Variants in USP13 observed in about 807,000 individuals in gnomAD.
USP13 encodes the protein ubiquitin specific peptidase 13, also known as ubiquitin carboxyl-terminal hydrolase 13.
USP13 carries 68 observed loss-of-function variants against 107.8 expected under a neutral mutation model. The ratio of observed to expected loss-of-function variants is 0.63; its 90% CI spans 0.52 to 0.77. USP13 has a LOEUF of 0.77. Among genes scored for constraint, USP13 ranks in the 30% least tolerant of loss-of-function variants. The probability of loss-of-function intolerance (pLI) is 0.00; values close to 1 mark genes in which losing one functional copy is unlikely to be tolerated. For synonymous variants in USP13, 377 were observed against 389.5 expected (o/e 0.97, Z 0.38); for missense variants, 945 against 1,093.3 (o/e 0.86, Z 1.91).
At chr3:179,758,192 C>T (rs531117059) in intron 16 of USP13, among the ~76,000 whole-genome samples, 1 of 152,058 alleles carries the variant, frequency 6.6e-6, no homozygotes, top group East Asian at 1.9e-4. Context: ...GACCTGGGAC[C>T]AGAACTAGGG....
chr3:179,758,015 C>G (rs772357265), intron 16 of USP13, among the ~76,000 whole-genome samples: 1 of 152,188 alleles, frequency 6.6e-6, no homozygotes, highest in Non-Finnish European at 1.5e-5. Flanking sequence ...ATTCTTTCAA[C>G]GGTCTACAAC....
At chr3:179,778,947 C>T (rs1309194103) in intron 19 of USP13, among the ~76,000 whole-genome samples, 1 of 151,866 alleles carries the variant, frequency 6.6e-6, no homozygotes, top group Non-Finnish European at 1.5e-5. Context: ...CCTGAGATCT[C>T]AATGAAGTGA....
chr3:179,683,875 C>A (rs146585740), intron 2 of USP13, among the ~76,000 whole-genome samples: 2 of 152,176 alleles, frequency 1.3e-5, no homozygotes, highest in African/African-American at 4.8e-5. Flanking sequence ...GAATGGGAAT[C>A]TATTTTTTCA....
chr3:179,775,483 G>A (rs1715495880), intron 19 of USP13, among the ~76,000 whole-genome samples: 1 of 152,386 alleles, frequency 6.6e-6, no homozygotes, highest in African/African-American at 2.4e-5. Flanking sequence ...CAGGGCCGTG[G>A]GTGGAGCTGC....
chr3:179,742,176 C>A lies in USP13; in HGVS notation c.1381-21C>A. The A allele has an allele frequency of 1.2e-6, 2 of 1,614,068 alleles. No individual in the cohort carries two copies. Among genetic ancestry groups the A allele is most frequent in the Non-Finnish European group, 1.7e-6 (2 of 1,179,962 alleles). On this transcript the variant is annotated intron_variant, in intron 11 of 20. Transcript: ENST00000263966. This position sits in a 1 kb window ranked among gnomAD's most constrained non-coding sequence, Gnocchi z 5.0. ...GCTCAATATTCATACATTTACTAAC[C>A]TGATACAATCCATCCTTCAGAGGAA... is the stretch of plus-strand genomic sequence containing the variant.
At position 179,691,475 on chromosome 3, in the gene USP13, G is replaced by A. The variant is rs549521049; in HGVS notation, c.355+1174G>A. 1.0e-3 allele frequency among the ~76,000 whole-genome samples: 157 copies of A among 152,258 alleles called. 2 individuals are homozygous for A. The highest frequency in any genetic ancestry group is 1.3e-3 in the Non-Finnish European group (91 of 68,014). On this transcript the variant is annotated intron_variant, in intron 3 of 20. Transcript: ENST00000263966. ...TTTTCTCATGAAAAATGTGAAGTAT[G>A]TACGTATGCATTTTTGGAAAGAATC...
At position 179,765,759 on chromosome 3, in the gene USP13, A is replaced by AT. The variant is rs1313316601; in HGVS notation, c.2328dup (p.Val777CysfsTer3). ...CACCCTGAGTTTGAAGAAGACAGTG[A>AT]TTTTGTGATTGAGATGGAGAATAAT... On this transcript the variant is annotated frameshift_variant, in exon 19 of 21. Transcript: ENST00000263966. LOFTEE classifies it high-confidence loss of function. 6.2e-7 allele frequency: 1 copy of AT among 1,614,054 alleles called. No homozygotes were observed. Among genetic ancestry groups the AT allele is most frequent in the Non-Finnish European group, 8.5e-7 (1 of 1,180,020 alleles).
chr3:179,678,660 A>T lies in USP13; in HGVS notation c.169-3218A>T, dbSNP rs1244361245. On this transcript the variant is annotated intron_variant, in intron 1 of 20. Coordinates refer to ENST00000263966, the MANE Select transcript of USP13 (RefSeq NM_003940.3). This position sits in a 1 kb window ranked among gnomAD's most constrained non-coding sequence, Gnocchi z 4.2. ...TTTTTTGTAGAGACAGGGTTTCTCC[A>T]TGTTGCCCAGACTGGTCTTGAACTC... Among the ~76,000 whole-genome samples the T allele has an allele frequency of 6.6e-6, 1 of 152,126 alleles. No individual in the cohort carries two copies. The highest frequency in any genetic ancestry group is 1.5e-5 in the Non-Finnish European group (1 of 68,024).
At position 179,701,189 on chromosome 3, in the gene USP13, C is replaced by T. The variant is rs571772695; in HGVS notation, c.477+60C>T. The T allele has an allele frequency of 4.6e-4, 340 of 742,854 alleles. 1 individual carries two copies. The African/African-American group carries it at 6.4e-3, about 14-fold the overall frequency. The allele number at this position is 742,854 out of a possible 1,614,324, so 46.0% of individuals were successfully genotyped here. A position where few individuals can be genotyped will look rare whatever the true frequency, so the allele number is the denominator to read the frequency against. ...CATGGCTCTGTGTCAGGTGTGTGTG[C>T]GTGTGCGATGTGTGTGTGCGGGGGT... On this transcript the variant is annotated intron_variant, in intron 4 of 20. Transcript: ENST00000263966.
At chr3:179,780,226 G>A (rs777992604) in intron 19 of USP13, among the ~76,000 whole-genome samples, 2 of 152,182 alleles carry the variant, frequency 1.3e-5, no homozygotes, top group Non-Finnish European at 2.9e-5. Context: ...GGAGGTTCTA[G>A]CCATTGCAGT....
intron 6 of USP13, among the ~76,000 whole-genome samples, chr3:179,711,256 T>TCACC (rs1712916944): frequency 6.6e-6 from 1 of 152,212 alleles, no homozygotes; most frequent in Non-Finnish European, 1.5e-5. Context: ...TCTCACTCTG[T>TCACC]CACCCAGGCT....
At chr3:179,673,270 TGAGA>T (rs962861346) in intron 1 of USP13, among the ~76,000 whole-genome samples, 2 of 152,006 alleles carry the variant, frequency 1.3e-5, no homozygotes, top group Admixed American at 6.6e-5. Context: ...AGGAATAGTT[TGAGA>T]GAGAGAGACC....
In USP13 at chr3:179,653,330, C is replaced by A; in HGVS notation, c.105C>A (p.Ile35=). The A allele has an allele frequency of 1.9e-6, 3 of 1,579,248 alleles. No homozygotes were observed. Among genetic ancestry groups the A allele is most frequent in the Non-Finnish European group, 1.7e-6 (2 of 1,162,938 alleles). The change falls in exon 1 of 21, where the codon ATC becomes ATA. Residue 35 remains isoleucine (I), a synonymous_variant. Coordinates refer to ENST00000263966, the MANE Select transcript of USP13 (RefSeq NM_003940.3). The surrounding 1 kb of genome is among the most constrained non-coding windows in gnomAD (Gnocchi z 4.0). ...GELLVPHMPT[I]RVPRSGDRVY... ...TGCTAGTGCCCCACATGCCCACGAT[C>A]CGCGTGCCCAGGTCCGGCGACAGGG...
At chr3:179,728,819 A>G (rs1156811723) in intron 8 of USP13, among the ~76,000 whole-genome samples, 1 of 152,136 alleles carries the variant, frequency 6.6e-6, no homozygotes, top group Non-Finnish European at 1.5e-5. Context: ...GTCTCCACCA[A>G]AAAAATACGA....
intron 1 of USP13, among the ~76,000 whole-genome samples, chr3:179,669,143 C>G (rs1720669951): frequency 6.6e-6 from 1 of 152,184 alleles, no homozygotes; most frequent in African/African-American, 2.4e-5. Flanking sequence ...TAATCCACCT[C>G]CTGGGCTAGT....
chr3:179,781,358 A>G (rs1462945121), intron 19 of USP13, among the ~76,000 whole-genome samples: 2 of 151,880 alleles, frequency 1.3e-5, no homozygotes, highest in Admixed American at 6.6e-5. Flanking sequence ...TTTAATCCCC[A>G]CAAAGAAACA....
At chr3:179,707,630 T>C in intron 5 of USP13, among the ~76,000 whole-genome samples, 1 of 152,172 alleles carries the variant, frequency 6.6e-6, no homozygotes, top group East Asian at 1.9e-4. Context: ...CCATTTACCT[T>C]CACTTTTTTG....
intron 1 of USP13, among the ~76,000 whole-genome samples, chr3:179,660,095 G>A (rs559150409): frequency 2.3e-4 from 35 of 152,026 alleles, no homozygotes; most frequent in Non-Finnish European, 4.3e-4. Context: ...CAATTCAGTG[G>A]CATTAAATTA....
intron 1 of USP13, among the ~76,000 whole-genome samples, chr3:179,658,359 T>C (rs917334488): frequency 6.6e-6 from 1 of 152,260 alleles, no homozygotes; most frequent in Non-Finnish European, 1.5e-5. Flanking sequence ...TCTGAATGCC[T>C]GCATTACGTA....
Sources: allele counts gnomAD v4.1 joint callset (sites outside exome capture counted in the v4.1 genomes callset), GRCh38; gene constraint gnomAD v4.1.1; non-coding constraint Gnocchi (gnomAD v3.1); transcripts MANE v1.5; gene names NCBI Gene and HGNC (gene_info 2026-07-23, HGNC 2026-07-21).